CAMK1D: variants seen among roughly 807,000 people sequenced by gnomAD.
CAMK1D encodes calcium/calmodulin dependent protein kinase ID, also known as calcium/calmodulin-dependent protein kinase type 1D.
In CAMK1D, 9 loss-of-function variants were observed where a neutral mutation model predicts 47.7. The ratio of observed to expected loss-of-function variants is 0.19; its 90% CI spans 0.11 to 0.33. The LOEUF is 0.33. CAMK1D is among the 10% of genes least tolerant of loss of function. CAMK1D has a pLI of 1.00. For missense variants in CAMK1D, 291 were observed against 488.7 expected, an observed-to-expected ratio of 0.60 and a Z score of 3.81; for synonymous variants, 184 against 184.9, an observed-to-expected ratio of 0.99 and a Z score of 0.04.
At chr10:12,570,619 G>A (rs890595719) in intron 2 of CAMK1D, among the ~76,000 whole-genome samples, 5 of 147,694 alleles carry the variant, frequency 3.4e-5, no homozygotes, top group African/African-American at 1.0e-4. Context: ...GGCAGAGGTT[G>A]TAGTGAGCTT....
In CAMK1D at chr10:12,458,856, CTCCT is replaced by C. The variant is rs1214894951; in HGVS notation, c.93-94355_93-94352del. ...TCACTTCAGATAAGTTTCTTTCTTT[CTCCT>C]TCCTTCCTTCCTTTCTTTCCTTTTT... On this transcript the variant is annotated intron_variant, in intron 1 of 10. Transcript: ENST00000619168. 2.4e-4 allele frequency among the ~76,000 whole-genome samples: 36 copies of C among 149,204 alleles called. No individual in the cohort carries two copies. In the East Asian group the frequency reaches 4.2e-3, roughly 17 times the overall value.
At chr10:12,609,487 C>T (rs940370074) in intron 2 of CAMK1D, among the ~76,000 whole-genome samples, 3 of 152,164 alleles carry the variant, frequency 2.0e-5, no homozygotes, top group Non-Finnish European at 4.4e-5. Flanking sequence ...GCTTGTTTTC[C>T]TGCAACTGGA....
At chr10:12,794,137 C>T (rs919477104) in intron 6 of CAMK1D, among the ~76,000 whole-genome samples, 2 of 152,056 alleles carry the variant, frequency 1.3e-5, no homozygotes, top group South Asian at 2.1e-4. Context: ...CAGTGAGAGG[C>T]GCTTCTCCTG....
At chr10:12,445,364 A>T (rs1468795760) in intron 1 of CAMK1D, among the ~76,000 whole-genome samples, 1 of 152,202 alleles carries the variant, frequency 6.6e-6, no homozygotes, top group Non-Finnish European at 1.5e-5. Flanking sequence ...AGAGTTCTGA[A>T]ATGAAACCTC....
intron 2 of CAMK1D, among the ~76,000 whole-genome samples, chr10:12,585,878 C>T (rs986476527): frequency 3.9e-5 from 6 of 152,212 alleles, no homozygotes; most frequent in South Asian, 2.1e-4. Flanking sequence ...GGCTTCTGGA[C>T]GCAGCATCTG....
At chr10:12,694,866 C>G (rs1328243070) in intron 3 of CAMK1D, among the ~76,000 whole-genome samples, 2 of 151,776 alleles carry the variant, frequency 1.3e-5, no homozygotes, top group Non-Finnish European at 2.9e-5. Context: ...CAAAGTATTA[C>G]AAAGAAACAA....
At chr10:12,548,558 G>A (rs1412365799) in intron 1 of CAMK1D, among the ~76,000 whole-genome samples, 1 of 145,872 alleles carries the variant, frequency 6.9e-6, no homozygotes. Context: ...TTGACCTCCC[G>A]GGCCCAAGTG....
intron 1 of CAMK1D, among the ~76,000 whole-genome samples, chr10:12,497,689 GC>G (rs1834583541): frequency 6.6e-6 from 1 of 152,148 alleles, no homozygotes; most frequent in African/African-American, 2.4e-5. Context: ...TTTTACAAAA[GC>G]CTGATTCATG....
intron 1 of CAMK1D, among the ~76,000 whole-genome samples, chr10:12,468,306 C>A (rs900769367): frequency 1.2e-4 from 19 of 152,336 alleles, no homozygotes; most frequent in African/African-American, 4.6e-4. Flanking sequence ...AAGCAATCTG[C>A]GTGCCTTACC....
chr10:12,497,434 G>A (rs968790261), intron 1 of CAMK1D, among the ~76,000 whole-genome samples: 3 of 139,618 alleles, frequency 2.1e-5, no homozygotes, highest in Non-Finnish European at 4.5e-5. Context: ...CCGAGATCAC[G>A]CCACTGCACC....
intron 2 of CAMK1D, among the ~76,000 whole-genome samples, chr10:12,568,179 TCCCTCTCC>T (rs1178015776): frequency 1.6e-5 from 1 of 62,344 alleles, no homozygotes; most frequent in African/African-American, 6.5e-5. Flanking sequence ...CCTCCCTCCC[TCCCTCTCC>T]CCCTCTCTCC....
intron 3 of CAMK1D, among the ~76,000 whole-genome samples, chr10:12,721,698 C>T (rs1834385117): frequency 6.6e-6 from 1 of 152,188 alleles, no homozygotes; most frequent in South Asian, 2.1e-4. Flanking sequence ...CAGGTACACA[C>T]ATGCATGAAC....
intron 2 of CAMK1D, among the ~76,000 whole-genome samples, chr10:12,584,639 G>A (rs993859684): frequency 2.0e-5 from 3 of 151,944 alleles, no homozygotes; most frequent in Non-Finnish European, 4.4e-5. Flanking sequence ...GGGCAACATG[G>A]CAAAACCACA....
chr10:12,492,284 C>T (rs561025120), intron 1 of CAMK1D, among the ~76,000 whole-genome samples: 52 of 149,488 alleles, frequency 3.5e-4, no homozygotes, highest in African/African-American at 1.2e-3. Context: ...CTATTGCCGC[C>T]ATGGACAGAG....
chr10:12,354,841 A>T (rs1434447590), intron 1 of CAMK1D, among the ~76,000 whole-genome samples: 23 of 129,352 alleles, frequency 1.8e-4, no homozygotes, highest in East Asian at 9.1e-4. Flanking sequence ...TTGGAGGAAA[A>T]TTTTTTTTTT....
intron 3 of CAMK1D, among the ~76,000 whole-genome samples, chr10:12,742,058 G>A (rs1411119404): frequency 3.3e-5 from 5 of 152,226 alleles, no homozygotes; most frequent in Non-Finnish European, 7.3e-5. Flanking sequence ...AAGGGACAAT[G>A]TCCACATAAG....
intron 2 of CAMK1D, among the ~76,000 whole-genome samples, chr10:12,627,084 T>C (rs1279539675): frequency 2.0e-5 from 3 of 148,178 alleles, no homozygotes; most frequent in Admixed American, 1.3e-4. Context: ...TATAATTTTT[T>C]TTTTTTTTTT....
chr10:12,723,640 T>C (rs1834490415), intron 3 of CAMK1D, among the ~76,000 whole-genome samples: 1 of 152,250 alleles, frequency 6.6e-6, no homozygotes, highest in South Asian at 2.1e-4. Context: ...ATAGTTACTA[T>C]GTAAATTGAA....
intron 1 of CAMK1D, among the ~76,000 whole-genome samples, chr10:12,482,657 A>C (rs1255240954): frequency 6.6e-6 from 1 of 152,144 alleles, no homozygotes; most frequent in Non-Finnish European, 1.5e-5. Context: ...TGACACACAC[A>C]TTTGCATTGA....
Sources: allele counts gnomAD v4.1 joint callset (sites outside exome capture counted in the v4.1 genomes callset), GRCh38; gene constraint gnomAD v4.1.1; transcripts MANE v1.5; gene names NCBI Gene and HGNC (gene_info 2026-07-23, HGNC 2026-07-21).